The following TMEM37 variants were observed in gnomAD, a reference collection of about 807,000 sequenced individuals.
The protein encoded by TMEM37 is transmembrane protein 37, also known as voltage-dependent calcium channel gamma-like subunit.
Under a neutral mutation model 11.0 loss-of-function variants are expected in TMEM37, and 12 were observed. That is an observed-to-expected ratio of 1.09 (90% confidence interval 0.70 to 1.76). TMEM37 has a LOEUF of 1.76. TMEM37 is among the 40% of genes most tolerant of loss of function. The probability of loss-of-function intolerance (pLI) is 0.00; values close to 1 mark genes in which losing one functional copy is unlikely to be tolerated. For synonymous variants in TMEM37, 127 were observed against 110.5 expected (o/e 1.15, Z -0.94); for missense variants, 203 against 251.2 (o/e 0.81, Z 1.30).
Position 119,438,055 on chromosome 2 carries a change from GT to G in TMEM37, c.*618del. 6.6e-6 allele frequency: 1 copy of G among 152,384 alleles called. No individual in the cohort carries two copies. Among genetic ancestry groups the G allele is most frequent in the East Asian group, 1.9e-4 (1 of 5,192 alleles). The allele number at this position is 152,384 out of a possible 1,614,324, so 9.4% of individuals were successfully genotyped here. ...GTAGGTTTCCAAACCATTTGACTCG[GT>G]TTGCCTCCCTGCCCGTTGTTTAAAC... On this transcript the variant is annotated 3_prime_UTR_variant, in exon 2 of 2. Coordinates refer to ENST00000306406, the MANE Select transcript of TMEM37 (RefSeq NM_183240.3).
chr2:119,434,909 A>C (rs879746987), intron 1 of TMEM37, among the ~76,000 whole-genome samples: 6 of 152,226 alleles, frequency 3.9e-5, no homozygotes, highest in Non-Finnish European at 5.9e-5. Context: ...GTAAGGGCTC[A>C]GTACTGAGCC....
In TMEM37 at chr2:119,438,189, G is replaced by A. The variant is rs1031183287; in HGVS notation, c.*749G>A. 2 of 152,170 alleles carry A rather than the reference G, an allele frequency of 1.3e-5. No homozygotes were observed. Among genetic ancestry groups the A allele is most frequent in the African/African-American group, 2.4e-5 (1 of 41,424 alleles). The allele number at this position is 152,170 out of a possible 1,614,324, so 9.4% of individuals were successfully genotyped here. Reference sequence around the variant, plus strand: ...GGGTTTCCTTCCGAGAAGAGTTCTTGAGCAAGCTCTCCCAGGAGGGCCCAC... The same window carrying A: ...GGGTTTCCTTCCGAGAAGAGTTCTTAAGCAAGCTCTCCCAGGAGGGCCCAC... On this transcript the variant is annotated 3_prime_UTR_variant, in exon 2 of 2. Coordinates refer to ENST00000306406, the MANE Select transcript of TMEM37 (RefSeq NM_183240.3).
At chr2:119,435,932 C>G (rs756658976) in intron 1 of TMEM37, among the ~76,000 whole-genome samples, 1 of 152,142 alleles carries the variant, frequency 6.6e-6, no homozygotes, top group Admixed American at 6.5e-5. Flanking sequence ...AAGGGCCAGT[C>G]ATCTGAGGAA....
intron 1 of TMEM37, among the ~76,000 whole-genome samples, chr2:119,433,501 T>G (rs140464668): frequency 6.6e-6 from 1 of 151,720 alleles, no homozygotes; most frequent in East Asian, 1.9e-4. Flanking sequence ...GCGGAATGAG[T>G]TGGGAGGAGC....
At chr2:119,430,751 G>A (rs1452019318), upstream of TMEM37, among the ~76,000 whole-genome samples, 4 of 152,138 alleles carry the variant, frequency 2.6e-5, no homozygotes, top group Non-Finnish European at 5.9e-5. Context: ...ATGGGGGGAG[G>A]GAAGCCTTTC....
chr2:119,430,670 T>G (rs953025769), upstream of TMEM37, among the ~76,000 whole-genome samples: 1 of 152,272 alleles, frequency 6.6e-6, no homozygotes, highest in Non-Finnish European at 1.5e-5. Context: ...AGGAGCTGCC[T>G]GCCTGAGTGA....
Position 119,437,318 on chromosome 2 carries a change from A to G in TMEM37, c.451A>G (p.Asn151Asp). The G allele has an allele frequency of 6.2e-7, 1 of 1,614,176 alleles. No individual in the cohort carries two copies. Among genetic ancestry groups the G allele is most frequent in the Non-Finnish European group, 8.5e-7 (1 of 1,180,036 alleles). ...GLLGFVILLR[N>D]QVTLIGFTLM... The stretch of plus-strand genomic sequence containing the variant: ...CCTGGGTTTTGTGATCCTCCTCAGG[A>G]ACCAAGTCACACTCATCGGCTTCAC... Residue 151 changes from asparagine to aspartate, a missense_variant, in exon 2 of 2, where the codon AAC becomes GAC. Asn to Asp is a conservative substitution (Grantham distance 23). Transcript: ENST00000306406.
intron 1 of TMEM37, among the ~76,000 whole-genome samples, chr2:119,435,643 C>T (rs1049821186): frequency 3.9e-4 from 59 of 152,316 alleles, no homozygotes; most frequent in Middle Eastern, 6.8e-3. Context: ...ACAGCAGTGC[C>T]TAAACACAGA....
chr2:119,437,338 C>A lies in TMEM37; in HGVS notation c.471C>A (p.Gly157=), dbSNP rs753505563. The A allele has an allele frequency of 6.2e-7, 1 of 1,614,264 alleles. No homozygotes were observed. Among genetic ancestry groups the A allele is most frequent in the South Asian group, 1.1e-5 (1 of 91,086 alleles). ...ILLRNQVTLI[G]FTLMFWCEFT... is the part of the protein sequence containing the mutation. ...TCAGGAACCAAGTCACACTCATCGG[C>A]TTCACCCTAATGTTTTGGTGCGAAT... is the stretch of plus-strand genomic sequence containing the variant. The change falls in exon 2 of 2, where the codon GGC becomes GGA. Residue 157 remains glycine (G), a synonymous_variant. Coordinates refer to ENST00000306406, the MANE Select transcript of TMEM37 (RefSeq NM_183240.3).
intron 1 of TMEM37, among the ~76,000 whole-genome samples, chr2:119,436,091 C>G (rs17015860): frequency 6.6e-6 from 1 of 152,098 alleles, no homozygotes; most frequent in Non-Finnish European, 1.5e-5. Context: ...GTGCAGTGCC[C>G]GGGTGGTGTC....
intron 1 of TMEM37, among the ~76,000 whole-genome samples, chr2:119,436,153 G>GTT (rs1316052866): frequency 6.6e-6 from 1 of 152,218 alleles, no homozygotes; most frequent in East Asian, 1.9e-4. Context: ...GGCTTGCCAG[G>GTT]AGACCGGGGT....
intron 1 of TMEM37, among the ~76,000 whole-genome samples, chr2:119,436,442 T>C (rs2579633): frequency 0.68 from 103,759 of 151,980 alleles, 35,563 homozygotes; most frequent in Non-Finnish European, 0.72. Flanking sequence ...GAAACAGAAC[T>C]GTGTATTGGT....
chr2:119,437,224 C>T lies in TMEM37; in HGVS notation c.357C>T (p.His119=), dbSNP rs1326955566. 2.5e-6 allele frequency: 4 copies of T among 1,614,260 alleles called. No homozygotes were observed. The highest frequency in any genetic ancestry group is 1.1e-5 in the South Asian group (1 of 91,084). Residue 119 remains histidine, a synonymous_variant, in exon 2 of 2, where the codon CAC becomes CAT. Coordinates refer to ENST00000306406, the MANE Select transcript of TMEM37 (RefSeq NM_183240.3). ...TGTCCCAGTTGTGCGAGGACAAACA[C>T]TCACAGTGCAAGTGGGTCATGGGTT... is the stretch of plus-strand genomic sequence containing the variant. ...LMVSQLCEDK[H]SQCKWVMGSI...
chr2:119,432,346 G>GGAT (rs1036277829), intron 1 of TMEM37: 1 of 162,476 alleles, frequency 6.2e-6, no homozygotes, highest in African/African-American at 2.4e-5. Context: ...ATGTAACAGA[G>GGAT]GATGCGTCTC....
upstream of TMEM37, among the ~76,000 whole-genome samples, chr2:119,430,575 A>T (rs187951456): frequency 6.6e-6 from 1 of 152,394 alleles, no homozygotes; most frequent in East Asian, 1.9e-4. Context: ...AGATATACAG[A>T]CAATTGTAAC....
In TMEM37 at chr2:119,436,923, G is replaced by T. The variant is rs150522680; in HGVS notation, c.56G>T (p.Arg19Leu). 6.2e-7 allele frequency: 1 copy of T among 1,614,122 alleles called. No individual in the cohort carries two copies. Among genetic ancestry groups the T allele is most frequent in the South Asian group, 1.1e-5 (1 of 91,078 alleles). ...CCTTTGGGCCAAAGGCAGCCCCGCC[G>T]GTCCTTCTTTGAATCCTTCATCCGG... The part of the protein sequence containing the change: ...QRPLGQRQPR[R>L]SFFESFIRTL... Residue 19 changes from arginine (R) to leucine (L), a missense_variant, in exon 2 of 2, where the codon CGG becomes CTG. Arg to Leu is a moderately radical substitution (Grantham distance 102). Coordinates refer to ENST00000306406, the MANE Select transcript of TMEM37 (RefSeq NM_183240.3).
Position 119,436,974 on chromosome 2 carries a change from T to C in TMEM37, c.107T>C (p.Leu36Pro). 6.2e-7 allele frequency: 1 copy of C among 1,614,260 alleles called. No individual in the cohort carries two copies. Among genetic ancestry groups the C allele is most frequent in the Non-Finnish European group, 8.5e-7 (1 of 1,180,056 alleles). ...IRTLIITCVALAVVLSSVSIC... is the reference protein window; with the variant it reads ...IRTLIITCVAPAVVLSSVSIC... ...ACCCTCATCATCACGTGTGTGGCCC[T>C]GGCTGTGGTCCTGTCCTCGGTCTCC... The change falls in exon 2 of 2, where the codon CTG becomes CCG. Residue 36 changes from leucine (L) to proline (P), a missense_variant. Physicochemically the swap from Leu to Pro is moderately conservative, Grantham distance 98 (BLOSUM62 -3). Transcript: ENST00000306406.
In TMEM37 at chr2:119,436,955, A is replaced by G. The variant is rs1418900001; in HGVS notation, c.88A>G (p.Ile30Val). 1.9e-6 allele frequency: 3 copies of G among 1,614,030 alleles called. No homozygotes were observed. Among genetic ancestry groups the G allele is most frequent in the East Asian group, 4.5e-5 (2 of 44,872 alleles). The change falls in exon 2 of 2, where the codon ATC becomes GTC. Residue 30 changes from isoleucine (I) to valine (V), a missense_variant. By Grantham distance (29) the Ile-to-Val change is conservative. Transcript: ENST00000306406. ...CTTTGAATCCTTCATCCGGACCCTCATCATCACGTGTGTGGCCCTGGCTGT... is the reference window on the plus strand; with the variant it reads ...CTTTGAATCCTTCATCCGGACCCTCGTCATCACGTGTGTGGCCCTGGCTGT... ...SFFESFIRTL[I>V]ITCVALAVVL...
At chr2:119,435,658 G>A (rs2104738686) in intron 1 of TMEM37, among the ~76,000 whole-genome samples, 1 of 152,296 alleles carries the variant, frequency 6.6e-6, no homozygotes, top group South Asian at 2.1e-4. Context: ...CACAGAATGT[G>A]GTGGTGTGGG....
Sources: gnomAD v4.1 joint callset for allele counts (sites outside exome capture counted in the v4.1 genomes callset) on GRCh38, gnomAD v4.1.1 for gene constraint, MANE v1.5 for transcripts, NCBI Gene and HGNC (gene_info 2026-07-23, HGNC 2026-07-21) for gene names.